RGS12: variants seen among roughly 807,000 people sequenced by gnomAD.
RGS12 encodes regulator of G-protein signaling 12.
In RGS12, 66 loss-of-function variants were observed where a neutral mutation model predicts 120.1. That is an observed-to-expected ratio of 0.55 (90% CI 0.45 to 0.67). RGS12 has a LOEUF of 0.67. Among genes scored for constraint, RGS12 ranks in the 30% least tolerant of loss-of-function variants. RGS12 has a pLI of 0.00. For synonymous variants in RGS12, 827 were observed against 804.7 expected, an observed-to-expected ratio of 1.03 and a Z score of -0.47; for missense variants, 1,859 against 1,957.7, an observed-to-expected ratio of 0.95 and a Z score of 0.95.
chr4:3,382,185 CATG>C (rs143501550), intron 3 of RGS12, among the ~76,000 whole-genome samples: 590 of 152,260 alleles, frequency 3.9e-3, no homozygotes, highest in African/African-American at 0.014. Flanking sequence ...GTGATTATAC[CATG>C]ATATCATTTT....
chr4:3,403,737 C>G (rs1191183872), intron 4 of RGS12, among the ~76,000 whole-genome samples: 1 of 152,204 alleles, frequency 6.6e-6, no homozygotes, highest in South Asian at 2.1e-4. Flanking sequence ...TGTTCTTGCC[C>G]GACATGTCCT....
chr4:3,347,586 T>C (rs576445473), intron 3 of RGS12, among the ~76,000 whole-genome samples: 2 of 152,336 alleles, frequency 1.3e-5, no homozygotes, highest in South Asian at 4.1e-4. Flanking sequence ...TGCTTGATCT[T>C]GATAAGTAGT....
chr4:3,304,856 C>T (rs753567245), intron 1 of RGS12, among the ~76,000 whole-genome samples: 2 of 152,256 alleles, frequency 1.3e-5, no homozygotes, highest in Non-Finnish European at 2.9e-5. Context: ...CACGTTGGTT[C>T]GCTGCCGCTG....
chr4:3,296,156 A>G (rs905931647), intron 1 of RGS12, among the ~76,000 whole-genome samples: 6 of 152,044 alleles, frequency 3.9e-5, no homozygotes, highest in Non-Finnish European at 7.4e-5. Flanking sequence ...CCCTGCCTCC[A>G]TTGTCACATC....
intron 4 of RGS12, among the ~76,000 whole-genome samples, chr4:3,395,032 C>A (rs939108988): frequency 8.0e-5 from 12 of 150,416 alleles, no homozygotes; most frequent in South Asian, 2.1e-4. Context: ...CAAAACAAAA[C>A]AAAAAAAAAC....
At chr4:3,394,471 G>A (rs906405213) in intron 4 of RGS12, among the ~76,000 whole-genome samples, 8 of 152,138 alleles carry the variant, frequency 5.3e-5, no homozygotes, top group Non-Finnish European at 1.0e-4. Context: ...CCGAATATGT[G>A]AAATGTAAAT....
intron 4 of RGS12, among the ~76,000 whole-genome samples, 179 bp downstream of exon 4, chr4:3,386,616 C>T (rs1435991841): frequency 3.3e-5 from 5 of 152,042 alleles, no homozygotes; most frequent in Non-Finnish European, 7.3e-5. Context: ...CCCAGGTGGC[C>T]TCGGCGTGTG....
intron 3 of RGS12, chr4:3,378,354 A>T (rs1271950057): frequency 6.6e-6 from 1 of 152,236 alleles, no homozygotes; most frequent in African/African-American, 2.4e-5. Context: ...AGTTTCGGCG[A>T]TGATTTTTTT....
At chr4:3,367,608 C>A (rs1229457065) in intron 3 of RGS12, among the ~76,000 whole-genome samples, 1 of 152,262 alleles carries the variant, frequency 6.6e-6, no homozygotes, top group African/African-American at 2.4e-5. Flanking sequence ...GGACCTCTGA[C>A]CATGTGGCAG....
intron 3 of RGS12, among the ~76,000 whole-genome samples, chr4:3,353,747 T>A (rs994688334): frequency 1.9e-4 from 29 of 152,126 alleles, no homozygotes; most frequent in African/African-American, 6.5e-4. Flanking sequence ...CATGGGTGGA[T>A]CTGTGGATCT....
intron 3 of RGS12, among the ~76,000 whole-genome samples, chr4:3,348,595 C>CT (rs1266121428): frequency 6.6e-6 from 1 of 152,108 alleles, no homozygotes; most frequent in East Asian, 1.9e-4. Flanking sequence ...GTACAGGGCT[C>CT]TAAGTCACAG....
chr4:3,419,562 C>G (rs1254738840), intron 9 of RGS12: 1 of 152,042 alleles, frequency 6.6e-6, no homozygotes, highest in African/African-American at 2.4e-5. Context: ...CCTTTAAATC[C>G]CAGCGCTTTG....
intron 3 of RGS12, among the ~76,000 whole-genome samples, chr4:3,380,153 G>A (rs115342649): frequency 0.018 from 2,733 of 152,342 alleles, 69 homozygotes; most frequent in African/African-American, 0.059. Flanking sequence ...AGGGGCTGCA[G>A]GCCCCATGCA....
intron 2 of RGS12, among the ~76,000 whole-genome samples, chr4:3,340,298 C>T (rs1004714972): frequency 6.6e-6 from 1 of 152,272 alleles, no homozygotes; most frequent in Non-Finnish European, 1.5e-5. Flanking sequence ...GCTGTCGTCC[C>T]ATGGCAGTCC....
chr4:3,312,005 T>A (rs1724433323), intron 1 of RGS12, among the ~76,000 whole-genome samples: 1 of 152,120 alleles, frequency 6.6e-6, no homozygotes, highest in Non-Finnish European at 1.5e-5. Flanking sequence ...GGTTAAATGA[T>A]CTCCAGTCAA....
In RGS12 at chr4:3,428,188, C is replaced by A. The variant is rs371590435; in HGVS notation, c.3411+19C>A. 6.2e-7 allele frequency: 1 copy of A among 1,607,022 alleles called. No homozygotes were observed. Among genetic ancestry groups the A allele is most frequent in the African/African-American group, 1.3e-5 (1 of 74,820 alleles). On this transcript the variant is annotated intron_variant, in intron 15 of 17. Coordinates refer to ENST00000336727, the MANE Select transcript of RGS12 (RefSeq NM_001394154.1). ...GGCTACGGTAATTCCCCACCCTGGC[C>A]CACCCTGTGCCCTGCTCCTCTCGCT... is the stretch of plus-strand genomic sequence containing the variant.
chr4:3,355,392 T>G (rs938694820), intron 3 of RGS12, among the ~76,000 whole-genome samples: 3 of 152,158 alleles, frequency 2.0e-5, no homozygotes, highest in African/African-American at 7.2e-5. Context: ...TCCTGGTTAG[T>G]GTACTAAGAA....
upstream of RGS12, among the ~76,000 whole-genome samples, chr4:3,292,451 G>A (rs1723077464): frequency 6.6e-6 from 1 of 152,192 alleles, no homozygotes; most frequent in Non-Finnish European, 1.5e-5. Flanking sequence ...TTCGCCGCGG[G>A]AACTCACGCC....
intron 1 of RGS12, among the ~76,000 whole-genome samples, chr4:3,304,734 T>C (rs929112845): frequency 1.3e-5 from 2 of 152,234 alleles, no homozygotes; most frequent in Non-Finnish European, 2.9e-5. Context: ...GGGACCATTT[T>C]TGAAACTACC....
Sources: gnomAD v4.1 joint callset for allele counts (sites outside exome capture counted in the v4.1 genomes callset) on GRCh38, gnomAD v4.1.1 for gene constraint, MANE v1.5 for transcripts, NCBI Gene and HGNC (gene_info 2026-07-23, HGNC 2026-07-21) for gene names.